Variants in MTDH observed in about 807,000 individuals in gnomAD.
MTDH encodes protein LYRIC.
In MTDH, 34 loss-of-function variants were observed where a neutral mutation model predicts 72.7. The ratio of observed to expected loss-of-function variants is 0.47; its 90% CI spans 0.36 to 0.62. The LOEUF (loss-of-function observed/expected upper bound fraction) is 0.62. Ranked by LOEUF, MTDH falls within the 20% of genes least tolerant of loss-of-function variation. The pLI is 0.00. For synonymous variants in MTDH, 266 were observed against 268.9 expected (o/e 0.99, Z 0.10); for missense variants, 677 against 699.4 (o/e 0.97, Z 0.36).
intron 4 of MTDH, 95 bp from the exon 5 acceptor site, chr8:97,688,939 AATAG>A (rs1813475071): frequency 2.0e-6 from 1 of 494,608 alleles, no homozygotes; most frequent in African/African-American, 2.0e-5. Flanking sequence ...AGCAATTTAT[AATAG>A]ATAATAATTA....
intron 2 of MTDH, among the ~76,000 whole-genome samples, chr8:97,677,073 C>T (rs1477406312): frequency 7.0e-6 from 1 of 143,686 alleles, no homozygotes; most frequent in Non-Finnish European, 1.5e-5. Context: ...GTCCCAGCTA[C>T]GTGGGAAGCT....
chr8:97,644,796 C>T lies in MTDH; in HGVS notation c.290C>T (p.Ala97Val), dbSNP rs780201933. Residue 97 changes from alanine (A) to valine (V), a missense_variant, in exon 1 of 12, where the codon GCC becomes GTC. Ala to Val is a moderately conservative substitution (Grantham distance 64). Coordinates refer to ENST00000336273, the MANE Select transcript of MTDH (RefSeq NM_178812.4). The stretch of plus-strand genomic sequence containing the variant: ...CGGGAGGAGGCGGCGGCCGTGCCGG[C>T]CGCGGCCCCCGACGACCTGGCCTTG... ...RKREEAAAVP[A>V]AAPDDLALLK... 1 of 1,552,066 alleles carries T rather than the reference C, an allele frequency of 6.4e-7. No homozygotes were observed. Among genetic ancestry groups the T allele is most frequent in the Admixed American group, 2.2e-5 (1 of 45,710 alleles).
intron 2 of MTDH, among the ~76,000 whole-genome samples, chr8:97,678,677 A>T (rs1812953222): frequency 7.0e-6 from 1 of 143,576 alleles, no homozygotes; most frequent in Non-Finnish European, 1.5e-5. Context: ...GGCCTCAAAC[A>T]ATCCTCCCAC....
rs139030396 is a variant in MTDH, at chr8:97,661,682, C to G, written c.483+509C>G. ...TGTGGGCCAGGTGCTATGGCTCATG[C>G]CTGTAATCCTAGCACTTTGGTAGGC... is the stretch of plus-strand genomic sequence containing the variant. On this transcript the variant is annotated intron_variant, in intron 2 of 11. Transcript: ENST00000336273. 2.3e-3 allele frequency among the ~76,000 whole-genome samples: 357 copies of G among 152,226 alleles called. 1 individual carries two copies. Among genetic ancestry groups the G allele is most frequent in the African/African-American group, 8.4e-3 (350 of 41,532 alleles).
chr8:97,697,144 A>ATTTTTT (rs1586259091), intron 6 of MTDH, among the ~76,000 whole-genome samples: 1 of 73,152 alleles, frequency 1.4e-5, no homozygotes, highest in East Asian at 5.9e-4. Context: ...ATATATATAT[A>ATTTTTT]TATATATTTT....
At chr8:97,721,986 G>C (rs1202803691) in intron 10 of MTDH, among the ~76,000 whole-genome samples, 6 of 152,224 alleles carry the variant, frequency 3.9e-5, no homozygotes, top group Non-Finnish European at 4.4e-5. Context: ...TTGGGAAGGA[G>C]ATTAGGAGTT....
rs150644674 is a variant in MTDH, at chr8:97,644,547, C to T, written c.41C>T (p.Ala14Val). ...TGGCAGGACGAGCTGGCCCAGCAGG[C>T]CGAGGAGGGCTCGGCCCGGCTGCGG... ...RSWQDELAQQ[A>V]EEGSARLREM... The change falls in exon 1 of 12, where the codon GCC (alanine) becomes GTC (valine). Residue 14 changes from alanine (A) to valine (V), a missense_variant. This residue lies in a region of MTDH where 467 missense variants were observed against 469.1 expected (regional missense o/e 1.00). Coordinates refer to ENST00000336273, the MANE Select transcript of MTDH (RefSeq NM_178812.4). 4.6e-4 allele frequency: 729 copies of T among 1,600,136 alleles called. 1 individual carries two copies. The highest frequency in any genetic ancestry group is 1.1e-3 in the Middle Eastern group (6 of 5,492).
At chr8:97,686,176 C>T (rs1404780502) in intron 2 of MTDH, among the ~76,000 whole-genome samples, 1 of 152,194 alleles carries the variant, frequency 6.6e-6, no homozygotes, top group African/African-American at 2.4e-5. Flanking sequence ...ATAATCACCA[C>T]ATAATTTTTC....
chr8:97,727,075 CAA>C lies in MTDH; in HGVS notation c.*2418_*2419del, dbSNP rs879218277. On this transcript the variant is annotated 3_prime_UTR_variant, in exon 12 of 12. Coordinates refer to ENST00000336273, the MANE Select transcript of MTDH (RefSeq NM_178812.4). ...TGGGCAACAGAAGGAGACTCCGTCT[CAA>C]AAAAAAAAAAAAGATGGCAGCTATA... 18 of 99,736 alleles carry C rather than the reference CAA, an allele frequency of 1.8e-4. No homozygotes were observed. Among genetic ancestry groups the C allele is most frequent in the Non-Finnish European group, 1.5e-4 (7 of 46,244 alleles). The allele number at this position is 99,736 out of a possible 1,614,324, so 6.2% of individuals were successfully genotyped here.
intron 8 of MTDH, 95 bp from the exon 9 acceptor site, chr8:97,713,567 C>T: frequency 1.5e-6 from 1 of 666,776 alleles, no homozygotes; most frequent in South Asian, 2.5e-5. Context: ...GAAATGAAGA[C>T]TGTACCTAAT....
chr8:97,710,506 A>G (rs932352397), intron 8 of MTDH, among the ~76,000 whole-genome samples: 1 of 149,448 alleles, frequency 6.7e-6, no homozygotes, highest in Non-Finnish European at 1.5e-5. Context: ...CCTGGCCAAC[A>G]TGGTGAACCC....
intron 1 of MTDH, among the ~76,000 whole-genome samples, chr8:97,651,035 G>T (rs372013650): frequency 6.6e-6 from 1 of 152,172 alleles, no homozygotes; most frequent in South Asian, 2.1e-4. Context: ...CACATAAAAG[G>T]TATGTTATAA....
rs1186917505 is a variant in MTDH, at chr8:97,644,489, C to T, written c.-18C>T. The T allele has an allele frequency of 1.3e-6, 2 of 1,558,220 alleles. No homozygotes were observed. Among genetic ancestry groups the T allele is most frequent in the Admixed American group, 1.9e-5 (1 of 53,238 alleles). On this transcript the variant is annotated 5_prime_UTR_variant, in exon 1 of 12. Transcript: ENST00000336273. ...GCGCCCCGGCGTCATCCTGCGAGTCCCTCTGACGGGAGGGAAGATGGCTGC... is the reference window on the plus strand; with the variant it reads ...GCGCCCCGGCGTCATCCTGCGAGTCTCTCTGACGGGAGGGAAGATGGCTGC...
At chr8:97,707,530 A>G (rs1814414311) in intron 8 of MTDH, among the ~76,000 whole-genome samples, 1 of 148,812 alleles carries the variant, frequency 6.7e-6, no homozygotes, top group Non-Finnish European at 1.5e-5. Flanking sequence ...AGCCTCTCAA[A>G]GTGCTGGGAT....
intron 2 of MTDH, among the ~76,000 whole-genome samples, chr8:97,683,956 A>G (rs1025336103): frequency 3.3e-5 from 5 of 152,086 alleles, no homozygotes; most frequent in African/African-American, 4.8e-5. Flanking sequence ...TACTAAAAAT[A>G]CAAAATTAGC....
intron 2 of MTDH, among the ~76,000 whole-genome samples, chr8:97,684,694 A>C (rs1813287694): frequency 6.6e-6 from 1 of 152,228 alleles, no homozygotes; most frequent in South Asian, 2.1e-4. Flanking sequence ...AGACAAAGAC[A>C]GAAAGTAGAA....
At chr8:97,669,867 G>A (rs1812541384) in intron 2 of MTDH, among the ~76,000 whole-genome samples, 1 of 148,930 alleles carries the variant, frequency 6.7e-6, no homozygotes, top group Non-Finnish European at 1.5e-5. Flanking sequence ...AGGCGGAGTG[G>A]AGCAGAGATC....
intron 1 of MTDH, among the ~76,000 whole-genome samples, chr8:97,655,122 T>G (rs1414064564): frequency 2.0e-5 from 3 of 152,124 alleles, no homozygotes; most frequent in African/African-American, 7.2e-5. Flanking sequence ...AAAAATGAAA[T>G]TCCAGTGTTT....
At chr8:97,720,357 A>T (rs1272916806) in intron 10 of MTDH, among the ~76,000 whole-genome samples, 4 of 151,668 alleles carry the variant, frequency 2.6e-5, no homozygotes, top group Admixed American at 2.0e-4. Flanking sequence ...CAGGAGGATC[A>T]CTTGAGTCCA....
Sources: gnomAD v4.1 joint callset for allele counts (sites outside exome capture counted in the v4.1 genomes callset) on GRCh38, gnomAD v4.1.1 for gene constraint, gnomAD v4.1.1 regional missense constraint, MANE v1.5 for transcripts, NCBI Gene and HGNC (gene_info 2026-07-23, HGNC 2026-07-21) for gene names.